Variants in ACTR10 observed in about 807,000 individuals in gnomAD.
The protein encoded by ACTR10 is actin related protein 10, also known as actin-related protein 10.
A neutral mutation model predicts 56.2 loss-of-function variants in ACTR10; 43 were observed. The observed-to-expected ratio is 0.77, with a 90% CI of 0.60 to 0.99. ACTR10 has a LOEUF of 0.99. Among genes scored for constraint, ACTR10 ranks in the 50% least tolerant of loss-of-function variants. ACTR10 has a pLI of 0.00. For missense variants in ACTR10, 466 were observed against 507.8 expected (o/e 0.92, Z 0.79); for synonymous variants, 170 against 176.3 (o/e 0.96, Z 0.28).
At chr14:58,225,804 C>T (rs1889383072) in intron 10 of ACTR10, among the ~76,000 whole-genome samples, 1 of 151,916 alleles carries the variant, frequency 6.6e-6, no homozygotes, top group South Asian at 2.1e-4. Context: ...CCTCCTTCTC[C>T]TGGGTTCAAG....
At chr14:58,201,608 C>T (rs1050232307) in intron 1 of ACTR10, among the ~76,000 whole-genome samples, 4 of 152,142 alleles carry the variant, frequency 2.6e-5, no homozygotes, top group Admixed American at 6.6e-5. Context: ...TAAGACTAAA[C>T]TAGTATGATG....
In ACTR10 at chr14:58,200,175, C is replaced by G. The variant is rs369639625; in HGVS notation, c.-43C>G. ...CCCCGCGAGCGCCGAGACTTGTTGG[C>G]CGCGGAGACTGCGACCCTCTTCTCT... On this transcript the variant is annotated 5_prime_UTR_variant, in exon 1 of 13. Transcript: ENST00000254286. 2.1e-6 allele frequency: 3 copies of G among 1,433,248 alleles called. No homozygotes were observed. The highest frequency in any genetic ancestry group is 1.5e-5 in the South Asian group (1 of 67,506). The allele number at this position is 1,433,248 out of a possible 1,614,324, so 88.8% of individuals were successfully genotyped here.
chr14:58,209,233 C>T lies in ACTR10; in HGVS notation c.342+126C>T, dbSNP rs188790155. On this transcript the variant is annotated intron_variant, in intron 4 of 12. Transcript: ENST00000254286. ...TGTTGGTAGGTACTCAAAACTTAAA[C>T]TAATAAAAGCCCTTATTTTGTCTCA... The T allele has an allele frequency of 1.5e-5, 9 of 600,802 alleles. No homozygotes were observed. In the Admixed American group the frequency reaches 3.0e-4, roughly 20 times the overall value. 37.2% of individuals were successfully genotyped at this position (600,802 alleles called of 1,614,324 possible). A position where few individuals can be genotyped will look rare whatever the true frequency, so the allele number is the denominator to read the frequency against.
At chr14:58,210,617 C>A (rs1291541334) in intron 4 of ACTR10, among the ~76,000 whole-genome samples, 1 of 151,494 alleles carries the variant, frequency 6.6e-6, no homozygotes, top group Non-Finnish European at 1.5e-5. Context: ...ATGGTAAAGG[C>A]ATCTATTTTT....
chr14:58,207,860 T>A lies in ACTR10; in HGVS notation c.151-76T>A, dbSNP rs962638039. On this transcript the variant is annotated intron_variant, in intron 2 of 12. Coordinates refer to ENST00000254286, the MANE Select transcript of ACTR10 (RefSeq NM_018477.3). ...AATTTATTCCCAGAAAATGTATTAG[T>A]AAATAATTACATTTTAATCTTAATT... 6.7e-6 allele frequency: 6 copies of A among 893,538 alleles called. No individual in the cohort carries two copies. In the African/African-American group the frequency reaches 1.1e-4, roughly 16 times the overall value. 55.4% of individuals were successfully genotyped at this position (893,538 alleles called of 1,614,324 possible). A position where few individuals can be genotyped will look rare whatever the true frequency, so the allele number is the denominator to read the frequency against.
chr14:58,209,097 A>T lies in ACTR10; in HGVS notation c.332A>T (p.Lys111Ile), dbSNP rs1330915905. 1 of 1,583,512 alleles carries T rather than the reference A, an allele frequency of 6.3e-7. No individual in the cohort carries two copies. The highest frequency in any genetic ancestry group is 8.6e-7 in the Non-Finnish European group (1 of 1,163,786). ...GAGACACTCACTCGTGTTCTTTTCA[A>T]ATATTTTGAGGTACCTGTCTTTATA... ...FRETLTRVLFKYFEVPSVLLA... is the reference protein window; with the variant it reads ...FRETLTRVLFIYFEVPSVLLA... The change falls in exon 4 of 13, where the codon AAA becomes ATA. Residue 111 changes from lysine (K) to isoleucine (I), a missense_variant. By Grantham distance (102) the Lys-to-Ile change is moderately radical. Coordinates refer to ENST00000254286, the MANE Select transcript of ACTR10 (RefSeq NM_018477.3).
intron 2 of ACTR10, among the ~76,000 whole-genome samples, chr14:58,205,996 T>C (rs1010649760): frequency 4.0e-5 from 6 of 151,388 alleles, no homozygotes; most frequent in Admixed American, 1.3e-4. Context: ...TGCTGCAGCC[T>C]GGGCAACAGA....
intron 7 of ACTR10, among the ~76,000 whole-genome samples, chr14:58,217,367 G>T (rs1236256828): frequency 6.6e-5 from 10 of 152,044 alleles, no homozygotes; most frequent in Non-Finnish European, 1.5e-4. Flanking sequence ...CCACTTAGTA[G>T]GATCAGAAAT....
At chr14:58,212,036 C>T (rs887388174) in intron 5 of ACTR10, among the ~76,000 whole-genome samples, 2 of 151,658 alleles carry the variant, frequency 1.3e-5, no homozygotes, top group Non-Finnish European at 2.9e-5. Context: ...TGTTTACAAG[C>T]TTGGGTTTTA....
intron 10 of ACTR10, among the ~76,000 whole-genome samples, chr14:58,227,369 A>G (rs1889429968): frequency 6.6e-6 from 1 of 152,184 alleles, no homozygotes; most frequent in South Asian, 2.1e-4. Flanking sequence ...CATCTCCACT[A>G]AAAATAAACA....
intron 5 of ACTR10, 41 bp downstream of exon 5, chr14:58,211,440 C>G: frequency 7.4e-7 from 1 of 1,351,196 alleles, no homozygotes; most frequent in Non-Finnish European, 1.1e-6. Context: ...AGTTTTTACT[C>G]TACTTTAACT....
chr14:58,209,257 CAT>C, intron 4 of ACTR10, 150 bp downstream of exon 4: 1 of 529,626 alleles, frequency 1.9e-6, no homozygotes, highest in Non-Finnish European at 3.3e-6. Context: ...TATTTTGTCT[CAT>C]ATTGTGTATG....
At chr14:58,216,636 T>C (rs1327621166) in intron 7 of ACTR10, among the ~76,000 whole-genome samples, 1 of 152,228 alleles carries the variant, frequency 6.6e-6, no homozygotes, top group African/African-American at 2.4e-5. Context: ...CGAGGCACCG[T>C]GAGTCCTAGC....
chr14:58,205,923 G>A (rs1401982955), intron 2 of ACTR10, among the ~76,000 whole-genome samples: 1 of 151,972 alleles, frequency 6.6e-6, no homozygotes, highest in African/African-American at 2.4e-5. Flanking sequence ...TCGGGAGGCT[G>A]AGGCAGGAGA....
intron 10 of ACTR10, among the ~76,000 whole-genome samples, chr14:58,229,445 G>A (rs538190497): frequency 1.3e-5 from 2 of 152,090 alleles, no homozygotes; most frequent in African/African-American, 4.8e-5. Context: ...TTGGGAGGCC[G>A]AGGTGGGCGG....
chr14:58,219,806 C>A, intron 8 of ACTR10, 77 bp downstream of exon 8: 1 of 858,020 alleles, frequency 1.2e-6, no homozygotes, highest in Admixed American at 3.1e-5. Flanking sequence ...AACATTTACA[C>A]AGATAGAAAA....
At chr14:58,213,424 T>A (rs983647724) in intron 5 of ACTR10, 1 of 425,460 alleles carries the variant, frequency 2.4e-6, no homozygotes, top group Non-Finnish European at 4.2e-6. Flanking sequence ...TGTGTGGTCA[T>A]GTGCTTATGT....
At chr14:58,223,259 C>A (rs1889320551) in intron 8 of ACTR10, among the ~76,000 whole-genome samples, 1 of 152,154 alleles carries the variant, frequency 6.6e-6, no homozygotes. Flanking sequence ...GCCTCCTCCT[C>A]CGGAGCAGCT....
chr14:58,205,440 G>A (rs931142674), intron 2 of ACTR10, among the ~76,000 whole-genome samples: 4 of 149,264 alleles, frequency 2.7e-5, no homozygotes, highest in African/African-American at 7.4e-5. Flanking sequence ...TCAGCCTCCC[G>A]AGTAGCTGGG....
Sources: gnomAD v4.1 joint callset for allele counts (sites outside exome capture counted in the v4.1 genomes callset) on GRCh38, gnomAD v4.1.1 for gene constraint, MANE v1.5 for transcripts, NCBI Gene and HGNC (gene_info 2026-07-23, HGNC 2026-07-21) for gene names.